Variants in YY1 observed in about 807,000 individuals in gnomAD.
The protein encoded by YY1 is YY1 transcription factor.
YY1 carries 2 observed loss-of-function variants against 35.6 expected under a neutral mutation model. The observed-to-expected ratio is 0.06, with a 90% CI of 0.02 to 0.18. YY1 has a LOEUF of 0.18. Ranked by LOEUF, YY1 falls within the 10% of genes least tolerant of loss-of-function variation. The pLI is 1.00. For missense variants in YY1, 322 were observed against 573.4 expected (o/e 0.56, Z 4.48); for synonymous variants, 268 against 238.9 (o/e 1.12, Z -1.12).
At chr14:100,260,888 T>C (rs920908029) in intron 1 of YY1, among the ~76,000 whole-genome samples, 4 of 142,110 alleles carry the variant, frequency 2.8e-5, no homozygotes, top group African/African-American at 1.0e-4. Context: ...CTCGACCTCC[T>C]GGGCTCAAGT....
chr14:100,265,473 G>GGGA (rs1318444143), intron 2 of YY1: 1 of 152,256 alleles, frequency 6.6e-6, no homozygotes, highest in Non-Finnish European at 1.5e-5. Context: ...GGGGGCAGGG[G>GGGA]GGAGGAGTAA....
At chr14:100,242,186 T>A (rs1890757200) in intron 1 of YY1, among the ~76,000 whole-genome samples, 1 of 152,122 alleles carries the variant, frequency 6.6e-6, no homozygotes. Context: ...GATCTGCATT[T>A]TATCTTAACA....
chr14:100,244,631 A>G (rs1890804259), intron 1 of YY1, among the ~76,000 whole-genome samples: 1 of 145,318 alleles, frequency 6.9e-6, no homozygotes, highest in African/African-American at 2.6e-5. Context: ...CACCCAGGCT[A>G]GAGTGCAGTG....
intron 1 of YY1, among the ~76,000 whole-genome samples, chr14:100,250,599 GAAATA>G (rs1882743580): frequency 6.6e-6 from 1 of 152,096 alleles, no homozygotes; most frequent in African/African-American, 2.4e-5. Context: ...TAATTCTGAG[GAAATA>G]AAATGTTTCT....
At chr14:100,259,641 C>A (rs563829109) in intron 1 of YY1, among the ~76,000 whole-genome samples, 1 of 152,076 alleles carries the variant, frequency 6.6e-6, no homozygotes, top group Non-Finnish European at 1.5e-5. Flanking sequence ...AATGAACATG[C>A]CCTCAAATTC....
intron 1 of YY1, among the ~76,000 whole-genome samples, chr14:100,240,328 C>T (rs980368014): frequency 1.4e-4 from 20 of 146,994 alleles, no homozygotes; most frequent in African/African-American, 3.9e-4. Flanking sequence ...CGCGGGAGGT[C>T]GTTGGCGGGG....
intron 1 of YY1, among the ~76,000 whole-genome samples, chr14:100,255,560 G>GGT (rs1359066521): frequency 1.3e-5 from 2 of 152,090 alleles, no homozygotes; most frequent in Non-Finnish European, 2.9e-5. Flanking sequence ...CAGAGGTTGC[G>GGT]GTGAGCCAAC....
intron 1 of YY1, among the ~76,000 whole-genome samples, chr14:100,260,221 C>T (rs574119438): frequency 3.3e-5 from 5 of 151,690 alleles, no homozygotes; most frequent in South Asian, 2.1e-4. Flanking sequence ...GGCTTACAGG[C>T]GCCCGCCACC....
chr14:100,265,894 G>A (rs3994918), intron 2 of YY1, among the ~76,000 whole-genome samples: 84,239 of 151,706 alleles, frequency 0.56, 23,621 homozygotes, highest in South Asian at 0.79. Flanking sequence ...TGATCCACCC[G>A]CCTCGGCCTC....
In YY1 at chr14:100,239,469, TCACCAC is replaced by T. The variant is rs753530895; in HGVS notation, c.236_241del (p.His79_His80del). 136 of 1,592,888 alleles carry T rather than the reference TCACCAC, an allele frequency of 8.5e-5. No individual in the cohort carries two copies. The highest frequency in any genetic ancestry group is 1.0e-4 in the Non-Finnish European group (121 of 1,172,822). On this transcript the variant is annotated inframe_deletion, in exon 1 of 5. Transcript: ENST00000262238. ...ACGCCGGCCACCACCACCACCACCATCACCACCACCACCACCCGCCCATGATCGCTC... is the reference window on the plus strand; with the variant it reads ...ACGCCGGCCACCACCACCACCACCATCACCACCACCCGCCCATGATCGCTC...
rs1652714890 is a variant in YY1 at position 100,262,289 on chromosome 14, CATG to C, written c.680-11_680-9del. ...CTATTTACTCAGCTAAAGATAATCT[CATG>C]ATGTGTTTCAGATGAAAAAAAAGAT... is the stretch of plus-strand genomic sequence containing the variant. On this transcript the variant is annotated splice_polypyrimidine_tract_variant and intron_variant, in intron 1 of 4. Coordinates refer to ENST00000262238, the MANE Select transcript of YY1 (RefSeq NM_003403.5). The C allele has an allele frequency of 1.2e-6, 2 of 1,612,948 alleles. No homozygotes were observed. Among genetic ancestry groups the C allele is most frequent in the Non-Finnish European group, 1.7e-6 (2 of 1,179,850 alleles).
At chr14:100,267,602 C>T (rs888032970) in intron 2 of YY1, among the ~76,000 whole-genome samples, 1 of 151,956 alleles carries the variant, frequency 6.6e-6, no homozygotes, top group Admixed American at 6.6e-5. Context: ...CAGCTCACTG[C>T]AGCCTCTGCC....
intron 2 of YY1, among the ~76,000 whole-genome samples, chr14:100,271,341 GA>G (rs1891236170): frequency 6.6e-6 from 1 of 152,144 alleles, no homozygotes; most frequent in African/African-American, 2.4e-5. Context: ...TTTCCAAACT[GA>G]TGTAACCTCA....
At chr14:100,254,778 T>TA (rs59637245) in intron 1 of YY1, among the ~76,000 whole-genome samples, 40,977 of 133,376 alleles carry the variant, frequency 0.31, 6,152 homozygotes, top group South Asian at 0.46. Context: ...TTTATTTATT[T>TA]TTTTTTTTTT....
At chr14:100,246,238 G>A (rs1890831304) in intron 1 of YY1, among the ~76,000 whole-genome samples, 1 of 152,212 alleles carries the variant, frequency 6.6e-6, no homozygotes, top group Non-Finnish European at 1.5e-5. Flanking sequence ...GCCATCATGT[G>A]CATACTGCCT....
rs372837246 is a variant in YY1 at position 100,248,184 on chromosome 14, C to T, written c.679+8261C>T. On this transcript the variant is annotated intron_variant, in intron 1 of 4. Transcript: ENST00000262238. ...AGGCTGGAGTGCAGTGGCGCGATCT[C>T]GGCTCACTGCAAGCTCCGCTTCCCG... is the stretch of plus-strand genomic sequence containing the variant. Among the ~76,000 whole-genome samples the T allele has an allele frequency of 2.7e-5, 4 of 147,062 alleles. No homozygotes were observed. The East Asian group carries it at 6.0e-4, about 22-fold the overall frequency.
At chr14:100,270,126 G>T (rs1235798262) in intron 2 of YY1, among the ~76,000 whole-genome samples, 1 of 151,526 alleles carries the variant, frequency 6.6e-6, no homozygotes, top group East Asian at 1.9e-4. Flanking sequence ...AGCCTGGTGT[G>T]GTGGCAGGCG....
intron 2 of YY1, among the ~76,000 whole-genome samples, chr14:100,267,935 G>C (rs1327083266): frequency 1.3e-5 from 2 of 152,212 alleles, no homozygotes; most frequent in Non-Finnish European, 2.9e-5. Context: ...AGATCTTCAC[G>C]TTTTGAGGAT....
In YY1 at chr14:100,250,413, G is replaced by A. The variant is rs376139653; in HGVS notation, c.679+10490G>A. 2.0e-5 allele frequency among the ~76,000 whole-genome samples: 3 copies of A among 152,192 alleles called. No homozygotes were observed. The East Asian group carries it at 5.8e-4, about 29-fold the overall frequency. On this transcript the variant is annotated intron_variant, in intron 1 of 4. Coordinates refer to ENST00000262238, the MANE Select transcript of YY1 (RefSeq NM_003403.5). ...CCTGGAGTGGCCTAAGATAGAAGGT[G>A]TGGAGAAACAAAATCTAGCCAAACA...
Sources: gnomAD v4.1 joint callset for allele counts (sites outside exome capture counted in the v4.1 genomes callset) on GRCh38, gnomAD v4.1.1 for gene constraint, MANE v1.5 for transcripts, NCBI Gene and HGNC (gene_info 2026-07-23, HGNC 2026-07-21) for gene names.